JAZF1: variants seen among roughly 807,000 people sequenced by gnomAD.
JAZF1 encodes JAZF zinc finger 1.
In JAZF1, 8 loss-of-function variants were observed where a neutral mutation model predicts 26.4. The ratio of observed to expected loss-of-function variants is 0.30; its 90% confidence interval spans 0.18 to 0.55. The LOEUF is 0.55. Among genes scored for constraint, JAZF1 ranks in the 20% least tolerant of loss-of-function variants. The probability of loss-of-function intolerance (pLI) is 0.94; values close to 1 mark genes in which losing one functional copy is unlikely to be tolerated. For missense variants in JAZF1, 199 were observed against 322.0 expected, an observed-to-expected ratio of 0.62 and a Z score of 2.92; for synonymous variants, 126 against 122.3, an observed-to-expected ratio of 1.03 and a Z score of -0.20.
chr7:28,179,981 A>AAGCGCCCGGCGGCGTGC (rs1051475678), intron 1 of JAZF1, among the ~76,000 whole-genome samples: 3 of 122,096 alleles, frequency 2.5e-5, no homozygotes, highest in Non-Finnish European at 3.3e-5. Context: ...GCCGGGGCGG[A>AAGCGCCCGGCGGCGTGC]AGCGCCCGGC....
At chr7:27,910,156 G>A (rs1784337400) in intron 2 of JAZF1, among the ~76,000 whole-genome samples, 1 of 152,148 alleles carries the variant, frequency 6.6e-6, no homozygotes, top group Non-Finnish European at 1.5e-5. Context: ...AATGTCAAAT[G>A]GTATGCTGTC....
intron 3 of JAZF1, among the ~76,000 whole-genome samples, chr7:27,891,951 ATACCT>A (rs1314049260): frequency 1.3e-5 from 2 of 152,268 alleles, no homozygotes; most frequent in Non-Finnish European, 2.9e-5. Context: ...TCAAGAAAGT[ATACCT>A]TAAAGAACAT....
In JAZF1 at chr7:27,926,439, T is replaced by C. The variant is rs182038000; in HGVS notation, c.189-31023A>G. Among the ~76,000 whole-genome samples the C allele has an allele frequency of 3.3e-5, 5 of 152,316 alleles. No individual in the cohort carries two copies. In the East Asian group the frequency reaches 9.6e-4, roughly 29 times the overall value. Reference sequence around the variant, plus strand: ...ACATCTATAAAGTAAGACTGACCTTTTTGACTCTGAGCAAACCACTGGGTT... The same window carrying C: ...ACATCTATAAAGTAAGACTGACCTTCTTGACTCTGAGCAAACCACTGGGTT... On this transcript the variant is annotated intron_variant, in intron 2 of 4. Transcript: ENST00000283928.
intron 1 of JAZF1, among the ~76,000 whole-genome samples, chr7:28,008,745 G>A (rs1268153550): frequency 6.6e-6 from 1 of 152,150 alleles, no homozygotes; most frequent in East Asian, 1.9e-4. Flanking sequence ...GCAAGAGTAG[G>A]GACTTGCATC....
chr7:28,170,760 G>A (rs1160884682), intron 1 of JAZF1, among the ~76,000 whole-genome samples: 1 of 152,016 alleles, frequency 6.6e-6, no homozygotes, highest in East Asian at 1.9e-4. Context: ...TTTCAGGTGC[G>A]GAAGAGCCTT....
At position 27,831,298 on chromosome 7, in the gene JAZF1, C is replaced by CAGTT. The variant is rs1382824805; in HGVS notation, c.*1498_*1501dup. The CAGTT allele has an allele frequency of 2.2e-5, 5 of 226,770 alleles. No homozygotes were observed. Among genetic ancestry groups the CAGTT allele is most frequent in the African/African-American group, 6.7e-5 (3 of 44,982 alleles). 14.0% of individuals were successfully genotyped at this position (226,770 alleles called of 1,614,324 possible). ...AAATTGAGGAGGGACCCCTGCTTCC[C>CAGTT]AGTTATATGTGATGTAAGACTTTTC... On this transcript the variant is annotated 3_prime_UTR_variant, in exon 5 of 5. Coordinates refer to ENST00000283928, the MANE Select transcript of JAZF1 (RefSeq NM_175061.4).
intron 1 of JAZF1, among the ~76,000 whole-genome samples, chr7:28,009,485 T>C (rs938053304): frequency 2.6e-5 from 4 of 151,082 alleles, no homozygotes; most frequent in African/African-American, 9.8e-5. Flanking sequence ...ATAATACCAT[T>C]GCTTTTTTTT....
In JAZF1 at chr7:27,840,008, A is replaced by T. The variant is rs905788167; in HGVS notation, c.555+690T>A. Among the ~76,000 whole-genome samples, 1 of 152,124 alleles carries T rather than the reference A, an allele frequency of 6.6e-6. No individual in the cohort carries two copies. The highest frequency in any genetic ancestry group is 2.4e-5 in the African/African-American group (1 of 41,420). ...TTTTTAAAATGCCCTCTAGACCCAT[A>T]CTTGACTATTGTGCTGTTTCTCGTT... On this transcript the variant is annotated intron_variant, in intron 4 of 4. Coordinates refer to ENST00000283928, the MANE Select transcript of JAZF1 (RefSeq NM_175061.4). This position sits in a 1 kb window ranked among gnomAD's most constrained non-coding sequence, Gnocchi z 5.1.
intron 2 of JAZF1, among the ~76,000 whole-genome samples, chr7:27,988,657 G>C (rs1007685874): frequency 2.0e-5 from 3 of 151,772 alleles, no homozygotes; most frequent in Admixed American, 1.3e-4. Flanking sequence ...CGGTTATTGT[G>C]ATTTTTTAAA....
chr7:28,108,592 C>T (rs1041857375), intron 1 of JAZF1, among the ~76,000 whole-genome samples: 1 of 152,188 alleles, frequency 6.6e-6, no homozygotes, highest in Non-Finnish European at 1.5e-5. Flanking sequence ...CCCTTGTGCA[C>T]TGTTGGCAGG....
chr7:28,152,527 G>A (rs1006151890), intron 1 of JAZF1, among the ~76,000 whole-genome samples: 1 of 152,130 alleles, frequency 6.6e-6, no homozygotes, highest in African/African-American at 2.4e-5. Flanking sequence ...ATCTATGCCA[G>A]GCATTGGATT....
chr7:28,015,450 T>C (rs1383925167), intron 1 of JAZF1, among the ~76,000 whole-genome samples: 1 of 152,156 alleles, frequency 6.6e-6, no homozygotes. Context: ...AAACTCGGCA[T>C]GGGAATATAT....
chr7:28,051,141 A>C (rs112795989), intron 1 of JAZF1, among the ~76,000 whole-genome samples: 10 of 150,042 alleles, frequency 6.7e-5, no homozygotes, highest in African/African-American at 2.2e-4. Flanking sequence ...CAAAAAAAAA[A>C]AAAAAAAAAA....
chr7:27,960,046 C>T (rs1373383864), intron 2 of JAZF1, among the ~76,000 whole-genome samples: 2 of 152,190 alleles, frequency 1.3e-5, no homozygotes, highest in Non-Finnish European at 2.9e-5. Context: ...ATACTGCTAC[C>T]TTGCCACCTA....
intron 1 of JAZF1, among the ~76,000 whole-genome samples, chr7:27,995,697 G>A (rs866237304): frequency 1.3e-5 from 2 of 152,058 alleles, no homozygotes; most frequent in South Asian, 4.1e-4. Context: ...TTATTTCAGG[G>A]GATGAGATTC....
chr7:28,017,278 G>A (rs1174787342), intron 1 of JAZF1, among the ~76,000 whole-genome samples: 2 of 150,862 alleles, frequency 1.3e-5, no homozygotes, highest in Non-Finnish European at 2.9e-5. Context: ...TTGAACCTGG[G>A]AGGCAGAGGT....
intron 1 of JAZF1, among the ~76,000 whole-genome samples, chr7:28,097,040 G>C (rs1483142233): frequency 6.6e-6 from 1 of 152,090 alleles, no homozygotes; most frequent in Non-Finnish European, 1.5e-5. Flanking sequence ...AATCACACCT[G>C]CTAACCTAAT....
intron 1 of JAZF1, among the ~76,000 whole-genome samples, chr7:28,047,058 A>G (rs887504321): frequency 6.6e-6 from 1 of 152,150 alleles, no homozygotes; most frequent in Non-Finnish European, 1.5e-5. Context: ...ATTTTCTTCT[A>G]GAATTTTATA....
At chr7:28,166,403 T>A (rs909094874) in intron 1 of JAZF1, among the ~76,000 whole-genome samples, 1 of 152,198 alleles carries the variant, frequency 6.6e-6, no homozygotes, top group Non-Finnish European at 1.5e-5. Context: ...AGGACTATTA[T>A]TAAAGAGATG....
Sources: gnomAD v4.1 joint callset for allele counts (sites outside exome capture counted in the v4.1 genomes callset) on GRCh38, gnomAD v4.1.1 for gene constraint, Gnocchi (gnomAD v3.1) non-coding constraint, MANE v1.5 for transcripts, NCBI Gene and HGNC (gene_info 2026-07-23, HGNC 2026-07-21) for gene names.